Variants in LYST observed in about 807,000 individuals in gnomAD.
LYST encodes lysosomal trafficking regulator, also known as lysosomal-trafficking regulator.
In LYST, 192 loss-of-function variants were observed where a neutral mutation model predicts 413.6. The observed-to-expected ratio is 0.46, with a 90% CI of 0.41 to 0.52. The LOEUF (loss-of-function observed/expected upper bound fraction) is 0.52, where lower values mean the gene tolerates loss of function less well. Ranked by LOEUF, LYST falls within the 20% of genes least tolerant of loss-of-function variation. LYST has a pLI of 0.00. For missense variants in LYST, 3,815 were observed against 4,499.9 expected (o/e 0.85, Z 4.35); for synonymous variants, 1,525 against 1,567.3 (o/e 0.97, Z 0.64).
chr1:235,818,441 G>T (rs1439958109), intron 3 of LYST, among the ~76,000 whole-genome samples: 1 of 152,092 alleles, frequency 6.6e-6, no homozygotes, highest in Non-Finnish European at 1.5e-5. Context: ...ATGGAGTTGG[G>T]TATTCAATAA....
At chr1:235,762,919 A>G in intron 21 of LYST, 68 bp from the exon 22 acceptor site, 1 of 1,164,530 alleles carries the variant, frequency 8.6e-7, no homozygotes, top group Non-Finnish European at 1.3e-6. Flanking sequence ...ATAACTTTAA[A>G]AGCAGATCAT....
intron 10 of LYST, among the ~76,000 whole-genome samples, chr1:235,796,892 G>A (rs1273014653): frequency 6.6e-6 from 1 of 152,138 alleles, no homozygotes; most frequent in Admixed American, 6.5e-5. Context: ...TAATACATTA[G>A]CCTTCAGGGG....
intron 2 of LYST, 32 bp downstream of exon 2, chr1:235,833,546 G>T: frequency 2.1e-6 from 1 of 474,998 alleles, no homozygotes; most frequent in Non-Finnish European, 2.8e-6. Context: ...AAATCATGTT[G>T]ATGGTTAATA....
In LYST at chr1:235,712,057, C is replaced by T; in HGVS notation, c.9925G>A (p.Gly3309Ser). The T allele has an allele frequency of 1.3e-6, 2 of 1,534,792 alleles. No individual in the cohort carries two copies. The highest frequency in any genetic ancestry group is 1.8e-6 in the Non-Finnish European group (2 of 1,135,324). The change falls in exon 43 of 53, where the codon GGT becomes AGT. Residue 3309 changes from glycine to serine, a missense_variant and splice_region_variant. Gly to Ser is a moderately conservative substitution (Grantham distance 56). Coordinates refer to ENST00000389793, the MANE Select transcript of LYST (RefSeq NM_000081.4). ...YLPEFLVNREGFDFGVRQNGE... is the reference protein window; with the variant it reads ...YLPEFLVNRESFDFGVRQNGE... ...AATTAAAAATAATTTATTGCTATAC[C>T]TTCACGGTTAACTAGGAACTCTGGA...
intron 1 of LYST, among the ~76,000 whole-genome samples, chr1:235,878,149 G>A (rs1029380773): frequency 7.9e-5 from 12 of 152,236 alleles, no homozygotes; most frequent in Admixed American, 2.6e-4. Flanking sequence ...CTTCACACGT[G>A]TTGGCAAGGT....
At chr1:235,833,162 T>G (rs1406539641) in intron 2 of LYST, among the ~76,000 whole-genome samples, 1 of 151,386 alleles carries the variant, frequency 6.6e-6, no homozygotes, top group African/African-American at 2.4e-5. Context: ...CTTTGTATAT[T>G]AGGAAGTATT....
chr1:235,667,898 G>A (rs748210950), intron 50 of LYST, among the ~76,000 whole-genome samples: 4 of 152,000 alleles, frequency 2.6e-5, no homozygotes, highest in Admixed American at 6.6e-5. Context: ...TCCTGATCTC[G>A]TGATCTACCC....
At chr1:235,882,078 T>TCACACA (rs71174466) in intron 1 of LYST, among the ~76,000 whole-genome samples, 35,739 of 145,668 alleles carry the variant, frequency 0.25, 5,402 homozygotes, top group East Asian at 0.69. Context: ...ACTCTTTCTT[T>TCACACA]CACACACACA....
intron 52 of LYST, 32 bp from the exon 53 acceptor site, chr1:235,663,110 T>C: frequency 1.4e-6 from 2 of 1,437,110 alleles, no homozygotes; most frequent in Non-Finnish European, 2.0e-6. Context: ...CATTTGTACA[T>C]TATATTTCTT....
intron 10 of LYST, among the ~76,000 whole-genome samples, chr1:235,799,134 G>A (rs1671912654): frequency 6.6e-6 from 1 of 152,092 alleles, no homozygotes; most frequent in South Asian, 2.1e-4. Flanking sequence ...TACTAAATAA[G>A]TAAATGAATG....
intron 10 of LYST, among the ~76,000 whole-genome samples, chr1:235,795,729 A>T (rs186860146): frequency 1.8e-4 from 28 of 152,308 alleles, no homozygotes; most frequent in Non-Finnish European, 8.8e-5. Flanking sequence ...ATATTAGAGG[A>T]AATCTCCAAC....
At position 235,802,996 on chromosome 1, in the gene LYST, C is replaced by T. The variant is rs781760711; in HGVS notation, c.3624G>A (p.Gln1208=). 5.0e-6 allele frequency: 8 copies of T among 1,613,222 alleles called. No individual in the cohort carries two copies. The highest frequency in any genetic ancestry group is 1.6e-4 in the Middle Eastern group (1 of 6,076). Residue 1208 remains glutamine (Q), a synonymous_variant, in exon 8 of 53, where the codon CAG becomes CAA. Transcript: ENST00000389793. ...CAACTAAAAGTTTAAAACTACAACA[C>T]TGAGAATCCTCAGCTTCTTCTGAAA... ...GDFSEEAEDS[Q]CCSFKLLVEE...
Position 235,748,732 on chromosome 1 carries a change from A to G in LYST, c.7781-2205T>C, listed in dbSNP as rs1423076736. On this transcript the variant is annotated intron_variant, in intron 28 of 52. Transcript: ENST00000389793. ...GTTGTAAGATTAATCTGACAATAAA[A>G]TGGTATCTAACTCCTCTAGCAATGC... 3.9e-5 allele frequency among the ~76,000 whole-genome samples: 6 copies of G among 152,210 alleles called. No homozygotes were observed. In the South Asian group the frequency reaches 6.2e-4, roughly 16 times the overall value.
In LYST at chr1:235,854,938, G is replaced by C. The variant is rs558030274; in HGVS notation, c.-98+11905C>G. On this transcript the variant is annotated intron_variant, in intron 1 of 52. Coordinates refer to ENST00000389793, the MANE Select transcript of LYST (RefSeq NM_000081.4). This position sits in a 1 kb window ranked among gnomAD's most constrained non-coding sequence, Gnocchi z 4.1. ...GACAAATGTCACTCCAATTCATAGG[G>C]AAGAAGATCCCAACTGCTTATTATC... 2.0e-5 allele frequency among the ~76,000 whole-genome samples: 3 copies of C among 152,214 alleles called. No individual in the cohort carries two copies. In the South Asian group the frequency reaches 6.2e-4, roughly 32 times the overall value.
chr1:235,834,278 C>T (rs950523287), intron 1 of LYST, among the ~76,000 whole-genome samples: 3 of 152,142 alleles, frequency 2.0e-5, no homozygotes, highest in African/African-American at 7.2e-5. Context: ...TAGTTACCTG[C>T]TCTCCCCTTC....
At chr1:235,831,361 G>C (rs1371077939) in intron 2 of LYST, among the ~76,000 whole-genome samples, 1 of 152,148 alleles carries the variant, frequency 6.6e-6, no homozygotes, top group African/African-American at 2.4e-5. Flanking sequence ...GACTCGTATA[G>C]TGTGGGTTGC....
At chr1:235,842,975 G>A (rs922292930) in intron 1 of LYST, among the ~76,000 whole-genome samples, 2 of 152,038 alleles carry the variant, frequency 1.3e-5, no homozygotes, top group East Asian at 1.9e-4. Flanking sequence ...AGCAAGTCAT[G>A]ACCACATATA....
Position 235,791,945 on chromosome 1 carries a change from G to A in LYST, c.4297C>T (p.Arg1433Trp), listed in dbSNP as rs772648319. The change falls in exon 12 of 53, where the codon CGG becomes TGG. Residue 1433 changes from arginine (R) to tryptophan (W), a missense_variant. This residue lies in a region of LYST where 1,648 missense variants were observed against 1,810.3 expected (regional missense o/e 0.91). Transcript: ENST00000389793. Reference protein sequence around the residue: ...MGLLRRARVSRSKKEADRESF... With the variant: ...MGLLRRARVSWSKKEADRESF... ...TCTCTATCAGCCTCTTTCTTGCTCC[G>A]TGAAACTCGTGCTCTTCTCAATAAA... The A allele has an allele frequency of 1.5e-5, 25 of 1,613,972 alleles. No homozygotes were observed. The highest frequency in any genetic ancestry group is 8.8e-5 in the South Asian group (8 of 91,078).
At chr1:235,756,817 A>G (rs1278905001) in intron 24 of LYST, among the ~76,000 whole-genome samples, 1 of 152,160 alleles carries the variant, frequency 6.6e-6, no homozygotes, top group East Asian at 1.9e-4. Flanking sequence ...ATTAGAGGGA[A>G]GTTATTTTGA....
Sources: allele counts gnomAD v4.1 joint callset (sites outside exome capture counted in the v4.1 genomes callset), GRCh38; gene constraint gnomAD v4.1.1; regional missense constraint gnomAD v4.1.1; non-coding constraint Gnocchi (gnomAD v3.1); transcripts MANE v1.5; gene names NCBI Gene and HGNC (gene_info 2026-07-23, HGNC 2026-07-21).